Variants in PDE1A observed in about 807,000 individuals in gnomAD.
PDE1A encodes phosphodiesterase 1A.
A neutral mutation model predicts 61.7 loss-of-function variants in PDE1A; 35 were observed. The observed-to-expected ratio is 0.57, with a 90% CI of 0.43 to 0.75. The LOEUF is 0.75. PDE1A is among the 30% of genes least tolerant of loss of function. PDE1A has a pLI of 0.00. For missense variants in PDE1A, 597 were observed against 630.6 expected (o/e 0.95, Z 0.57); for synonymous variants, 232 against 213.2 (o/e 1.09, Z -0.77).
intron 2 of PDE1A, among the ~76,000 whole-genome samples, chr2:182,464,403 C>G (rs1436798316): frequency 2.6e-5 from 4 of 152,018 alleles, no homozygotes; most frequent in Non-Finnish European, 5.9e-5. Context: ...CAGGTCAATA[C>G]ATGAGAAACT....
the PDE1A span, among the ~76,000 whole-genome samples, chr2:182,558,396 A>G: frequency 6.6e-6 from 1 of 152,180 alleles, no homozygotes; most frequent in African/African-American, 2.4e-5. Context: ...TATACATATT[A>G]ATGGCTACTC....
chr2:182,166,704 T>C (rs1381976048), downstream of PDE1A, among the ~76,000 whole-genome samples: 1 of 152,218 alleles, frequency 6.6e-6, no homozygotes, highest in Non-Finnish European at 1.5e-5. Context: ...TTATTGTTTC[T>C]GTCCCTCTGG....
chr2:182,561,953 T>G, the PDE1A span, among the ~76,000 whole-genome samples: 8 of 152,226 alleles, frequency 5.3e-5, no homozygotes, highest in South Asian at 8.3e-4. Flanking sequence ...AAGGAGATTT[T>G]GGGCTGAGAC....
At chr2:182,608,733 T>G in the PDE1A span, among the ~76,000 whole-genome samples, 3 of 152,206 alleles carry the variant, frequency 2.0e-5, no homozygotes, top group Non-Finnish European at 4.4e-5. Flanking sequence ...CGCCGCCCCC[T>G]GCTCCACGGC....
chr2:182,706,335 T>A, the PDE1A span, among the ~76,000 whole-genome samples: 1 of 152,198 alleles, frequency 6.6e-6, no homozygotes, highest in African/African-American at 2.4e-5. Flanking sequence ...AAATTTTTAT[T>A]TCATCTTACT....
At chr2:182,279,526 T>C (rs1171054234) in intron 1 of PDE1A, among the ~76,000 whole-genome samples, 1 of 151,938 alleles carries the variant, frequency 6.6e-6, no homozygotes, top group Non-Finnish European at 1.5e-5. Context: ...TGAATACCTA[T>C]CATGTATCCT....
intron 2 of PDE1A, among the ~76,000 whole-genome samples, chr2:182,256,664 A>G (rs1182222093): frequency 2.0e-5 from 3 of 152,266 alleles, no homozygotes; most frequent in Non-Finnish European, 1.5e-5. Flanking sequence ...CATATACACC[A>G]TGGAATACTA....
At position 182,366,450 on chromosome 2, in the gene PDE1A, T is replaced by A. The variant is rs139463046; in HGVS notation, c.53+60128A>T. Among the ~76,000 whole-genome samples, 5 of 152,128 alleles carry A rather than the reference T, an allele frequency of 3.3e-5. No individual in the cohort carries two copies. The East Asian group carries it at 9.7e-4, about 29-fold the overall frequency. ...TTGCCGTTGGATCTCTTAAAGTTCG[T>A]CACATAACCTTAAACACCCTAAACT... On this transcript the variant is annotated intron_variant, in intron 1 of 13. Transcript: ENST00000351439.
At chr2:182,576,596 T>C in the PDE1A span, among the ~76,000 whole-genome samples, 2 of 152,222 alleles carry the variant, frequency 1.3e-5, no homozygotes, top group Non-Finnish European at 2.9e-5. Flanking sequence ...GTGAAATTGC[T>C]GGATTATATG....
chr2:182,489,311 G>C, intron 2 of PDE1A, among the ~76,000 whole-genome samples: 1 of 152,182 alleles, frequency 6.6e-6, no homozygotes, highest in Admixed American at 6.5e-5. Flanking sequence ...AGATGGAAGA[G>C]AAGGGCCGAA....
In PDE1A at chr2:182,268,152, G is replaced by A. The variant is rs545055586; in HGVS notation, c.54-3738C>T. On this transcript the variant is annotated intron_variant, in intron 1 of 13. Coordinates refer to ENST00000351439, the Ensembl canonical transcript of PDE1A. ...TGTTCTGGTTCCCAAAGCTTAGGGTGAGGGCATGTTCTTGATGTTCTAATC... is the reference window on the plus strand; with the variant it reads ...TGTTCTGGTTCCCAAAGCTTAGGGTAAGGGCATGTTCTTGATGTTCTAATC... 4.6e-5 allele frequency among the ~76,000 whole-genome samples: 7 copies of A among 152,152 alleles called. No individual in the cohort carries two copies. The East Asian group carries it at 1.2e-3, about 25-fold the overall frequency.
intron 1 of PDE1A, among the ~76,000 whole-genome samples, chr2:182,420,682 C>T (rs1703220583): frequency 1.3e-5 from 2 of 152,248 alleles, no homozygotes; most frequent in South Asian, 4.1e-4. Context: ...AGGCTGGAGA[C>T]ACCAAAACAC....
chr2:182,662,291 T>A, the PDE1A span, among the ~76,000 whole-genome samples: 1 of 120,320 alleles, frequency 8.3e-6, no homozygotes, highest in Non-Finnish European at 1.8e-5. Context: ...AAAACCTACA[T>A]ATTAAAAGGA....
At chr2:182,399,002 C>T (rs1701854770) in intron 1 of PDE1A, among the ~76,000 whole-genome samples, 1 of 151,826 alleles carries the variant, frequency 6.6e-6, no homozygotes, top group Non-Finnish European at 1.5e-5. Flanking sequence ...ATAATAATAC[C>T]TATTGAACTA....
intron 2 of PDE1A, among the ~76,000 whole-genome samples, chr2:182,478,684 G>A (rs866408265): frequency 3.3e-5 from 5 of 151,964 alleles, no homozygotes; most frequent in South Asian, 4.1e-4. Flanking sequence ...CATTTGTCCT[G>A]CTGCCTCCAA....
chr2:182,359,608 T>C (rs1699385401), intron 1 of PDE1A, among the ~76,000 whole-genome samples: 2 of 152,170 alleles, frequency 1.3e-5, no homozygotes, highest in African/African-American at 4.8e-5. Context: ...GTCATTTTAA[T>C]GAAGTATTTT....
the PDE1A span, among the ~76,000 whole-genome samples, chr2:182,568,352 T>C: frequency 1.3e-5 from 2 of 152,252 alleles, no homozygotes; most frequent in African/African-American, 4.8e-5. Flanking sequence ...TAAATTTATC[T>C]TCTATCCTTT....
intron 1 of PDE1A, among the ~76,000 whole-genome samples, chr2:182,414,762 T>G (rs1417295674): frequency 6.6e-6 from 1 of 152,060 alleles, no homozygotes; most frequent in African/African-American, 2.4e-5. Context: ...AAATTCCAAC[T>G]GAGCTAGTAG....
At chr2:182,516,978 C>G (rs1378600431) in intron 2 of PDE1A, among the ~76,000 whole-genome samples, 1 of 152,048 alleles carries the variant, frequency 6.6e-6, no homozygotes, top group Non-Finnish European at 1.5e-5. Flanking sequence ...TTAATTCTCC[C>G]TTTCAAATGA....
Sources: allele counts gnomAD v4.1 joint callset (sites outside exome capture counted in the v4.1 genomes callset), GRCh38; gene constraint gnomAD v4.1.1; transcripts MANE v1.5; gene names NCBI Gene and HGNC (gene_info 2026-07-23, HGNC 2026-07-21).